Variants in WDR18 observed in about 807,000 individuals in gnomAD.
WDR18 encodes the protein WD repeat domain 18, also known as WD repeat-containing protein 18.
WDR18 carries 33 observed loss-of-function variants against 49.6 expected under a neutral mutation model. The ratio of observed to expected loss-of-function variants is 0.67; its 90% confidence interval spans 0.50 to 0.89. The LOEUF is 0.89. Ranked by LOEUF, WDR18 falls within the 40% of genes least tolerant of loss-of-function variation. The pLI, the probability that WDR18 is intolerant of heterozygous loss-of-function variation, is 0.00. For synonymous variants in WDR18, 315 were observed against 263.6 expected (o/e 1.19, Z -1.89); for missense variants, 653 against 593.6 (o/e 1.10, Z -1.04).
chr19:993,889 C>T (rs1476575175), intron 8 of WDR18, 131 bp from the exon 9 acceptor site: 3 of 1,013,514 alleles, frequency 3.0e-6, no homozygotes, highest in South Asian at 2.8e-5. Flanking sequence ...TCAGTCTTCC[C>T]TTCTGTCTGT....
chr19:990,875 G>C lies in WDR18; in HGVS notation c.621G>C (p.Glu207Asp). 1 of 1,611,304 alleles carries C rather than the reference G, an allele frequency of 6.2e-7. No homozygotes were observed. Among genetic ancestry groups the C allele is most frequent in the Non-Finnish European group, 8.5e-7 (1 of 1,179,042 alleles). The change falls in exon 5 of 10, where the codon GAG (glutamate) becomes GAC (aspartate). Residue 207 changes from glutamate to aspartate, a missense_variant. Transcript: ENST00000585809. ...TVKLWEVSSG[E>D]LLLSVLFDVS... ...AGCTATGGGAGGTCTCCTCGGGGGA[G>C]CTGCTGCTCTCCGTCCTCTTTGACG...
chr19:987,985 A>C (rs920891660), intron 2 of WDR18, among the ~76,000 whole-genome samples: 6 of 151,254 alleles, frequency 4.0e-5, no homozygotes, highest in African/African-American at 1.2e-4. Context: ...GCCCGCCACC[A>C]TGCCTGGCTA....
At position 990,947 on chromosome 19, in the gene WDR18, C is replaced by A; in HGVS notation, c.693C>A (p.Phe231Leu). Residue 231 changes from phenylalanine to leucine, a missense_variant, in exon 5 of 10, where the codon TTC becomes TTA. Physicochemically the swap from Phe to Leu is conservative, Grantham distance 22. Coordinates refer to ENST00000585809, the MANE Select transcript of WDR18 (RefSeq NM_024100.4). ...TGGACCTGGCTGAGCACCATATGTTCTGCGGGGGCAGTGAGGGCTCCATCT... is the reference window on the plus strand; with the variant it reads ...TGGACCTGGCTGAGCACCATATGTTATGCGGGGGCAGTGAGGGCTCCATCT... ...VTMDLAEHHMFCGGSEGSIFQ... is the reference protein window; with the variant it reads ...VTMDLAEHHMLCGGSEGSIFQ... 2 of 1,612,568 alleles carry A rather than the reference C, an allele frequency of 1.2e-6. No homozygotes were observed. Among genetic ancestry groups the A allele is most frequent in the Non-Finnish European group, 1.7e-6 (2 of 1,179,746 alleles).
At chr19:989,233 C>G (rs1253186481) in intron 2 of WDR18, among the ~76,000 whole-genome samples, 1 of 150,354 alleles carries the variant, frequency 6.7e-6, no homozygotes, top group Non-Finnish European at 1.5e-5. Flanking sequence ...CCACAACCCC[C>G]ACCAGAGCAT....
At chr19:989,531 T>TG (rs888462304) in intron 2 of WDR18, among the ~76,000 whole-genome samples, 13 of 151,992 alleles carry the variant, frequency 8.6e-5, no homozygotes, top group Non-Finnish European at 1.6e-4. Flanking sequence ...ATCATGCAGG[T>TG]GGGGACGAGG....
chr19:991,199 CCCAGG>C (rs201372013), intron 6 of WDR18, 23 bp from the exon 7 acceptor site: 1,339,126 of 1,562,778 alleles, frequency 0.86, 575,176 homozygotes, highest in Middle Eastern at 0.91. Flanking sequence ...TCTGGCACGT[CCCAGG>C]TGACCCCTGT....
In WDR18 at chr19:989,900, C is replaced by T. The variant is rs748299611; in HGVS notation, c.455+5C>T. The T allele has an allele frequency of 2.4e-5, 38 of 1,600,532 alleles. No homozygotes were observed. Among genetic ancestry groups the T allele is most frequent in the East Asian group, 1.1e-4 (5 of 44,786 alleles). On this transcript the variant is annotated splice_donor_5th_base_variant and intron_variant, in intron 3 of 9. Coordinates refer to ENST00000585809, the MANE Select transcript of WDR18 (RefSeq NM_024100.4). ...GCTGGTTTGGAGCCTCTGCAGGTAG[C>T]GCCTTGCGCACTCAGGCCTGCACCT...
In WDR18 at chr19:990,338, A is replaced by G; in HGVS notation, c.571A>G (p.Thr191Ala). The change falls in exon 4 of 10, where the codon ACC (threonine) becomes GCC (alanine). Residue 191 changes from threonine (T) to alanine (A), a missense_variant. By Grantham distance (58) the Thr-to-Ala change is moderately conservative. Transcript: ENST00000585809. ...GFGGPLARVA[T>A]SSLDQTVKLW... ...TGGGGGCCCCCTGGCCCGGGTGGCC[A>G]CCTCCTCACTGGACCAGACGGTGAA... 2 of 1,586,460 alleles carry G rather than the reference A, an allele frequency of 1.3e-6. No individual in the cohort carries two copies. The highest frequency in any genetic ancestry group is 1.7e-6 in the Non-Finnish European group (2 of 1,173,610).
At position 991,234 on chromosome 19, in the gene WDR18, G is replaced by A. The variant is rs1314407562; in HGVS notation, c.814G>A (p.Val272Met). Reference sequence around the variant, plus strand: ...CCCTGTCTGTCTGTCCAGGAACCAGGTGACTTGCCTGTCAGTGTCCACTGA... The same window carrying A: ...CCCTGTCTGTCTGTCCAGGAACCAGATGACTTGCCTGTCAGTGTCCACTGA... ...GKVFKGHRNQ[V>M]TCLSVSTDGS... The change falls in exon 7 of 10, where the codon GTG becomes ATG. Residue 272 changes from valine to methionine, a missense_variant. By Grantham distance (21) the Val-to-Met change is conservative. Transcript: ENST00000585809. 3.2e-5 allele frequency: 51 copies of A among 1,574,630 alleles called. No individual in the cohort carries two copies. Among genetic ancestry groups the A allele is most frequent in the Non-Finnish European group, 4.4e-5 (51 of 1,158,570 alleles).
chr19:990,119 C>G, intron 3 of WDR18, 104 bp from the exon 4 acceptor site: 1 of 1,422,090 alleles, frequency 7.0e-7, no homozygotes. Context: ...GCAGGCCAGG[C>G]TGCTGAGTGG....
chr19:984,893 C>T (rs1435446465), intron 1 of WDR18, among the ~76,000 whole-genome samples: 1 of 152,060 alleles, frequency 6.6e-6, no homozygotes, highest in Non-Finnish European at 1.5e-5. Context: ...GGCCTATGAG[C>T]TCTGTGGATG....
In WDR18 at chr19:994,511, C is replaced by T. The variant is rs1257669157; in HGVS notation, c.*167C>T. 11 of 964,254 alleles carry T rather than the reference C, an allele frequency of 1.1e-5. No homozygotes were observed. Among genetic ancestry groups the T allele is most frequent in the Admixed American group, 2.8e-5 (1 of 35,176 alleles). The allele number at this position is 964,254 out of a possible 1,614,324, so 59.7% of individuals were successfully genotyped here. On this transcript the variant is annotated 3_prime_UTR_variant, in exon 10 of 10. Transcript: ENST00000585809. ...GGCCGTCTTGGTGTCTCGTGGCACG[C>T]GTCACAGTGGTGCTAGTCTGTTTTT...
Position 991,109 on chromosome 19 carries a change from C to T in WDR18, c.770C>T (p.Pro257Leu). The T allele has an allele frequency of 1.9e-6, 3 of 1,592,440 alleles. No individual in the cohort carries two copies. Among genetic ancestry groups the T allele is most frequent in the Non-Finnish European group, 2.6e-6 (3 of 1,169,846 alleles). ...GGACAGAGGGAGAGGAGCTTCCACC[C>T]AGAGCAGGACGCCGGGAAGGTCTTC... The part of the protein sequence containing the change: ...WPGQRERSFH[P>L]EQDAGKVFKG... The change falls in exon 6 of 10, where the codon CCA (proline) becomes CTA (leucine). Residue 257 changes from proline (P) to leucine (L), a missense_variant. Coordinates refer to ENST00000585809, the MANE Select transcript of WDR18 (RefSeq NM_024100.4).
At chr19:986,748 G>T (rs1394758494) in intron 2 of WDR18, among the ~76,000 whole-genome samples, 4 of 152,240 alleles carry the variant, frequency 2.6e-5, no homozygotes, top group Non-Finnish European at 5.9e-5. Flanking sequence ...ATGTGTGAGT[G>T]AGTGGGCACA....
chr19:984,482 C>A lies in WDR18; in HGVS notation c.129C>A (p.Gly43=). The change falls in exon 1 of 10, where the codon GGC becomes GGA. Residue 43 remains glycine, a synonymous_variant. Transcript: ENST00000585809. ...TYRGGQAGPR[G]LALLNGEYLL... ...GCGGCGGCCAGGCGGGACCCCGCGG[C>A]CTGGCGCTGCTCAATGGCGAGTATC... 1 of 1,572,926 alleles carries A rather than the reference C, an allele frequency of 6.4e-7. No individual in the cohort carries two copies.
intron 7 of WDR18, 63 bp downstream of exon 7, chr19:991,414 G>A (rs2038546654): frequency 1.4e-6 from 2 of 1,450,990 alleles, no homozygotes; most frequent in Admixed American, 4.7e-5. Flanking sequence ...AGGAGCTCCG[G>A]GCTTGGCTTG....
intron 2 of WDR18, 25 bp from the exon 3 acceptor site, chr19:989,737 C>T: frequency 6.2e-7 from 1 of 1,611,964 alleles, no homozygotes; most frequent in Non-Finnish European, 8.5e-7. Context: ...CCTCCCCTGA[C>T]CTGGATACCC....
chr19:993,411 C>G (rs1319105870), intron 8 of WDR18, among the ~76,000 whole-genome samples: 1 of 152,240 alleles, frequency 6.6e-6, no homozygotes, highest in Non-Finnish European at 1.5e-5. Context: ...CTAGCCGCCC[C>G]ACCTGGCTCC....
chr19:991,369 C>A lies in WDR18; in HGVS notation c.931+18C>A. The A allele has an allele frequency of 1.3e-6, 2 of 1,510,178 alleles. No homozygotes were observed. Among genetic ancestry groups the A allele is most frequent in the South Asian group, 2.4e-5 (2 of 83,106 alleles). 93.5% of individuals were successfully genotyped at this position (1,510,178 alleles called of 1,614,324 possible). A position where few individuals can be genotyped will look rare whatever the true frequency, so the allele number is the denominator to read the frequency against. On this transcript the variant is annotated intron_variant, in intron 7 of 9. Coordinates refer to ENST00000585809, the MANE Select transcript of WDR18 (RefSeq NM_024100.4). The stretch of plus-strand genomic sequence containing the variant: ...CCTCAAAGGTGGGCGCGCCTCTGCT[C>A]GGCCCGCGGCCAGCGCGCAGGGGAA...
Sources: allele counts gnomAD v4.1 joint callset (sites outside exome capture counted in the v4.1 genomes callset), GRCh38; gene constraint gnomAD v4.1.1; transcripts MANE v1.5; gene names NCBI Gene and HGNC (gene_info 2026-07-23, HGNC 2026-07-21).